The following VWCE variants were observed in gnomAD, a reference collection of about 807,000 sequenced individuals.
VWCE encodes the protein von Willebrand factor C and EGF domains.
VWCE carries 68 observed loss-of-function variants against 102.9 expected under a neutral mutation model. That is an observed-to-expected ratio of 0.66 (90% CI 0.54 to 0.81). VWCE has a LOEUF of 0.81. VWCE is among the 30% of genes least tolerant of loss of function. The probability of loss-of-function intolerance (pLI) is 0.00; values close to 1 mark genes in which losing one functional copy is unlikely to be tolerated. For synonymous variants in VWCE, 497 were observed against 515.4 expected, an observed-to-expected ratio of 0.96 and a Z score of 0.48; for missense variants, 1,137 against 1,263.6, an observed-to-expected ratio of 0.90 and a Z score of 1.52.
Position 61,271,887 on chromosome 11 carries a change from TAC to T in VWCE, c.1700-129_1700-128del, listed in dbSNP as rs929857482. 8 of 773,914 alleles carry T rather than the reference TAC, an allele frequency of 1.0e-5. No homozygotes were observed. The Admixed American group carries it at 1.2e-4, about 12-fold the overall frequency. The allele number at this position is 773,914 out of a possible 1,614,324, so 47.9% of individuals were successfully genotyped here. ...TCACTCACACACGGACACACAAACT[TAC>T]ACACACTCATACAAATGCACACTTA... On this transcript the variant is annotated intron_variant, in intron 13 of 19. Coordinates refer to ENST00000335613, the MANE Select transcript of VWCE (RefSeq NM_152718.2).
chr11:61,268,744 G>A (rs760742328), intron 15 of VWCE, among the ~76,000 whole-genome samples, 178 bp downstream of exon 15: 13 of 152,190 alleles, frequency 8.5e-5, no homozygotes, highest in Non-Finnish European at 1.0e-4. Flanking sequence ...GATCTGCCTC[G>A]AGCACTCAGA....
chr11:61,277,216 G>A (rs1854956002), intron 10 of VWCE, among the ~76,000 whole-genome samples: 1 of 151,540 alleles, frequency 6.6e-6, no homozygotes, highest in Non-Finnish European at 1.5e-5. Context: ...CTTTCATGTA[G>A]CACACAGGAA....
chr11:61,286,844 TC>T (rs1358796526), intron 4 of VWCE, among the ~76,000 whole-genome samples: 1 of 150,622 alleles, frequency 6.6e-6, no homozygotes, highest in Admixed American at 6.6e-5. Context: ...ACGCCTGTAA[TC>T]CCAGCTCATT....
chr11:61,264,937 G>A lies in VWCE; in HGVS notation c.2139+19C>T. On this transcript the variant is annotated intron_variant, in intron 18 of 19. Coordinates refer to ENST00000335613, the MANE Select transcript of VWCE (RefSeq NM_152718.2). ...TGCCCTCTGGCGGGGCCGCTCCTGGGTTCCCAGGCCCAGCTCACCTGGCAC... is the reference window on the plus strand; with the variant it reads ...TGCCCTCTGGCGGGGCCGCTCCTGGATTCCCAGGCCCAGCTCACCTGGCAC... 1.9e-6 allele frequency: 3 copies of A among 1,612,734 alleles called. No individual in the cohort carries two copies. Among genetic ancestry groups the A allele is most frequent in the Non-Finnish European group, 2.5e-6 (3 of 1,179,960 alleles).
At chr11:61,285,158 G>A (rs918849621) in intron 5 of VWCE, among the ~76,000 whole-genome samples, 12 of 152,044 alleles carry the variant, frequency 7.9e-5, no homozygotes, top group Admixed American at 2.6e-4. Context: ...TATCATGGCC[G>A]CCCAAGCAGA....
intron 10 of VWCE, among the ~76,000 whole-genome samples, chr11:61,277,753 C>T (rs1049755864): frequency 6.6e-6 from 1 of 152,132 alleles, no homozygotes; most frequent in Non-Finnish European, 1.5e-5. Flanking sequence ...TAAAGCTGAC[C>T]CCGAAGAGCT....
intron 19 of VWCE, among the ~76,000 whole-genome samples, chr11:61,261,100 A>T (rs1854344243): frequency 6.6e-6 from 1 of 152,012 alleles, no homozygotes; most frequent in Non-Finnish European, 1.5e-5. Flanking sequence ...TGGTGCCTGT[A>T]GTCCAGCCAC....
chr11:61,276,576 CCAAGAGTGT>C lies in VWCE; in HGVS notation c.1495+8_1495+16del. The C allele has an allele frequency of 1.3e-6, 2 of 1,519,684 alleles. No homozygotes were observed. Among genetic ancestry groups the C allele is most frequent in the Non-Finnish European group, 1.8e-6 (2 of 1,134,162 alleles). 94.1% of individuals were successfully genotyped at this position (1,519,684 alleles called of 1,614,324 possible). A position where few individuals can be genotyped will look rare whatever the true frequency, so the allele number is the denominator to read the frequency against. On this transcript the variant is annotated splice_region_variant and intron_variant, in intron 11 of 19. Transcript: ENST00000335613. ...AAAAAAAAAAAAAAAGCAAAATGCT[CCAAGAGTGT>C]CACTTACCTGGAACACAAGTACAGC...
At chr11:61,272,862 ACAC>A (rs1854765664) in intron 13 of VWCE, among the ~76,000 whole-genome samples, 1 of 151,956 alleles carries the variant, frequency 6.6e-6, no homozygotes, top group Non-Finnish European at 1.5e-5. Context: ...AAAAACACAG[ACAC>A]ATACACACAC....
intron 12 of VWCE, 119 bp from the exon 13 acceptor site, chr11:61,273,435 CAA>C (rs1854800461): frequency 1.1e-6 from 1 of 912,136 alleles, no homozygotes; most frequent in East Asian, 2.7e-5. Context: ...GTGAAACTGA[CAA>C]AGAAATCTAC....
chr11:61,264,552 A>G lies in VWCE; in HGVS notation c.2165T>C (p.Val722Ala). 6.2e-7 allele frequency: 1 copy of G among 1,612,040 alleles called. No homozygotes were observed. ...CQLGEVSCEK[V>A]PCQRACADPA... ...GTCGGCACAGGCCCGCTGGCAGGGA[A>G]CCTTCTCACAGCTCACCTCTCCCAG... Residue 722 changes from valine (V) to alanine (A), a missense_variant, in exon 19 of 20, where the codon GTT (valine) becomes GCT (alanine). Transcript: ENST00000335613.
chr11:61,259,994 G>A (rs1590604211), intron 19 of VWCE, among the ~76,000 whole-genome samples: 1 of 152,188 alleles, frequency 6.6e-6, no homozygotes, highest in Admixed American at 6.5e-5. Context: ...AGTGGCTCAC[G>A]CCTGTAATCC....
rs748783982 is a variant in VWCE at position 61,259,167 on chromosome 11, C to T, written c.2376G>A (p.Ser792=). ...SCPGPPTASP[S]RPVLHLLQLL... is the part of the protein sequence containing the mutation. The stretch of plus-strand genomic sequence containing the variant: ...GCTGGAGGAGATGAAGCACCGGCCT[C>T]GAGGGTGATGCTGTCGGGGGCCCAG... Residue 792 remains serine, a synonymous_variant, in exon 20 of 20, where the codon TCG becomes TCA. Coordinates refer to ENST00000335613, the MANE Select transcript of VWCE (RefSeq NM_152718.2). 4.3e-6 allele frequency: 7 copies of T among 1,614,102 alleles called. No individual in the cohort carries two copies. In the South Asian group the frequency reaches 4.4e-5, roughly 10 times the overall value.
intron 14 of VWCE, 143 bp downstream of exon 14, chr11:61,271,532 T>C: frequency 9.7e-6 from 7 of 723,032 alleles, no homozygotes; most frequent in Non-Finnish European, 1.7e-5. Flanking sequence ...CCAACCCTTT[T>C]TGTGAAAGTG....
rs191498885 is a variant in VWCE at position 61,264,932 on chromosome 11, C to T, written c.2139+24G>A. The T allele has an allele frequency of 1.4e-5, 23 of 1,612,310 alleles. No homozygotes were observed. In the African/African-American group the frequency reaches 2.5e-4, roughly 18 times the overall value. On this transcript the variant is annotated intron_variant, in intron 18 of 19. Coordinates refer to ENST00000335613, the MANE Select transcript of VWCE (RefSeq NM_152718.2). The stretch of plus-strand genomic sequence containing the variant: ...GAAGCTGCCCTCTGGCGGGGCCGCT[C>T]CTGGGTTCCCAGGCCCAGCTCACCT...
intron 16 of VWCE, 134 bp from the exon 17 acceptor site, chr11:61,265,346 G>T: frequency 2.6e-6 from 2 of 762,160 alleles, no homozygotes; most frequent in Non-Finnish European, 4.0e-6. Flanking sequence ...TGGTGGGGCA[G>T]TGGGGCAGGG....
chr11:61,276,749 C>G, intron 10 of VWCE, 69 bp from the exon 11 acceptor site: 1 of 1,301,842 alleles, frequency 7.7e-7, no homozygotes, highest in East Asian at 2.7e-5. Context: ...CATCTCACAG[C>G]AGGCCCTTCG....
chr11:61,268,975 G>A lies in VWCE; in HGVS notation c.1829C>T (p.Ser610Phe), dbSNP rs1854591317. ...AGGGATCCGGATCGGGTGAGGGCAG[G>A]AGTCCACACAGTCTGTCCTCTTGCA... Reference protein sequence around the residue: ...VSCKRTDCVDSCPHPIRIPGQ... With the variant: ...VSCKRTDCVDFCPHPIRIPGQ... The change falls in exon 15 of 20, where the codon TCC (serine) becomes TTC (phenylalanine). Residue 610 changes from serine to phenylalanine, a missense_variant. Ser to Phe is a radical substitution (Grantham distance 155). Around this residue, in one of 5 missense-constraint regions of VWCE, gnomAD observed 212 missense variants for 235.1 expected, o/e 0.90. Transcript: ENST00000335613. 3 of 1,614,114 alleles carry A rather than the reference G, an allele frequency of 1.9e-6. No individual in the cohort carries two copies. The highest frequency in any genetic ancestry group is 2.5e-6 in the Non-Finnish European group (3 of 1,180,044).
chr11:61,282,224 A>AC (rs553981895), intron 6 of VWCE, among the ~76,000 whole-genome samples: 2 of 152,238 alleles, frequency 1.3e-5, no homozygotes, highest in African/African-American at 4.8e-5. Flanking sequence ...TCATCTCCAA[A>AC]CCTTCCACCC....
Sources: gnomAD v4.1 joint callset for allele counts (sites outside exome capture counted in the v4.1 genomes callset) on GRCh38, gnomAD v4.1.1 for gene constraint, gnomAD v4.1.1 regional missense constraint, MANE v1.5 for transcripts, NCBI Gene and HGNC (gene_info 2026-07-23, HGNC 2026-07-21) for gene names.